Variants in LARS2 observed in about 807,000 individuals in gnomAD.
LARS2 encodes leucine--tRNA ligase, mitochondrial.
In LARS2, 81 loss-of-function variants were observed where a neutral mutation model predicts 116.6. That is an observed-to-expected ratio of 0.69 (90% CI 0.58 to 0.84). LARS2 has a LOEUF of 0.84. Ranked by LOEUF, LARS2 falls within the 40% of genes least tolerant of loss-of-function variation. LARS2 has a pLI of 0.00. For synonymous variants in LARS2, 396 were observed against 407.2 expected (o/e 0.97, Z 0.33); for missense variants, 968 against 1,114.5 (o/e 0.87, Z 1.87).
chr3:45,526,792 G>C (rs1040665112), intron 20 of LARS2, among the ~76,000 whole-genome samples: 4 of 152,152 alleles, frequency 2.6e-5, no homozygotes, highest in South Asian at 2.1e-4. Flanking sequence ...CAAGCAGATA[G>C]ATAGGGCATT....
intron 7 of LARS2, among the ~76,000 whole-genome samples, chr3:45,453,269 A>C (rs1342726830): frequency 6.6e-6 from 1 of 151,810 alleles, no homozygotes; most frequent in African/African-American, 2.4e-5. Flanking sequence ...GGAGTTGCTT[A>C]TCTGGAGTCC....
chr3:45,425,829 G>A (rs115471362), intron 6 of LARS2, among the ~76,000 whole-genome samples: 406 of 151,660 alleles, frequency 2.7e-3, no homozygotes, highest in Middle Eastern at 0.01. Flanking sequence ...CACCTAAAAC[G>A]CTTGATGACA....
chr3:45,492,515 A>G (rs1353784250), intron 13 of LARS2, among the ~76,000 whole-genome samples: 1 of 152,224 alleles, frequency 6.6e-6, no homozygotes, highest in East Asian at 1.9e-4. Context: ...TTCTGCCAGT[A>G]TAGAGCTGAG....
At chr3:45,493,292 G>C (rs1699954964) in intron 13 of LARS2, among the ~76,000 whole-genome samples, 1 of 152,130 alleles carries the variant, frequency 6.6e-6, no homozygotes, top group Non-Finnish European at 1.5e-5. Context: ...GTAGAGATGG[G>C]GTTTCACCGT....
chr3:45,544,518 G>A (rs181610489), intron 21 of LARS2, among the ~76,000 whole-genome samples: 2 of 152,262 alleles, frequency 1.3e-5, no homozygotes, highest in Admixed American at 1.3e-4. Flanking sequence ...GCCGACCCAG[G>A]GCCACGCTCT....
chr3:45,447,053 A>G, intron 7 of LARS2, 73 bp downstream of exon 7: 1 of 836,336 alleles, frequency 1.2e-6, no homozygotes, highest in Non-Finnish European at 1.9e-6. Context: ...TAGCAGCGAA[A>G]ATGAACGCTA....
chr3:45,538,027 C>G (rs1700734508), intron 20 of LARS2, among the ~76,000 whole-genome samples: 1 of 152,242 alleles, frequency 6.6e-6, no homozygotes, highest in Non-Finnish European at 1.5e-5. Context: ...AGCTCTCCAC[C>G]TGACCTCTCC....
chr3:45,525,571 T>C (rs2125760101), intron 20 of LARS2, among the ~76,000 whole-genome samples: 1 of 152,366 alleles, frequency 6.6e-6, no homozygotes, highest in East Asian at 1.9e-4. Context: ...CAGTTTACTT[T>C]AGCAGGAAAG....
intron 6 of LARS2, among the ~76,000 whole-genome samples, chr3:45,441,459 T>G (rs1049635901): frequency 2.0e-5 from 3 of 152,186 alleles, no homozygotes; most frequent in African/African-American, 7.2e-5. Context: ...TGTTTTCTAG[T>G]AGGGAAATGT....
rs948096013 is a variant in LARS2 at position 45,506,431 on chromosome 3, T to C, written c.1760+5852T>C. ...TTTTGAGAGCCTCCAAACAACTTTATCAAGCTGGGCTGGGAGGAAAAATTG... is the reference window on the plus strand; with the variant it reads ...TTTTGAGAGCCTCCAAACAACTTTACCAAGCTGGGCTGGGAGGAAAAATTG... On this transcript the variant is annotated intron_variant, in intron 15 of 21. Transcript: ENST00000645846. Among the ~76,000 whole-genome samples, 25 of 152,122 alleles carry C rather than the reference T, an allele frequency of 1.6e-4. 1 individual carries two copies. The highest frequency in any genetic ancestry group is 5.9e-4 in the Admixed American group (9 of 15,258).
intron 2 of LARS2, among the ~76,000 whole-genome samples, chr3:45,392,294 T>C (rs891952204): frequency 1.3e-5 from 2 of 151,588 alleles, no homozygotes; most frequent in African/African-American, 4.9e-5. Context: ...GAGAGATTTC[T>C]TTTTTATCTT....
At chr3:45,519,029 T>C (rs1700412495) in intron 18 of LARS2, among the ~76,000 whole-genome samples, 1 of 152,220 alleles carries the variant, frequency 6.6e-6, no homozygotes, top group Non-Finnish European at 1.5e-5. Flanking sequence ...CAAATTCTTC[T>C]ATTCTGTCAG....
chr3:45,523,814 G>A (rs1700491712), intron 19 of LARS2, among the ~76,000 whole-genome samples, 183 bp from the exon 20 acceptor site: 1 of 151,770 alleles, frequency 6.6e-6, no homozygotes, highest in Admixed American at 6.6e-5. Context: ...CACCTGGCTT[G>A]CTGTAGTTTA....
chr3:45,427,053 G>A (rs1009709139), intron 6 of LARS2, among the ~76,000 whole-genome samples: 1 of 152,144 alleles, frequency 6.6e-6, no homozygotes, highest in Non-Finnish European at 1.5e-5. Context: ...CCAAGGGAAT[G>A]CTTCTTGTCA....
intron 10 of LARS2, among the ~76,000 whole-genome samples, chr3:45,484,630 A>AAAATATATATATATATATATATATAT (rs1553634443): frequency 1.0e-4 from 1 of 9,730 alleles, no homozygotes; most frequent in African/African-American, 1.8e-4. Flanking sequence ...AAAAAAAAAA[A>AAAATATATATATATATATATATATAT]ATATATATAT....
chr3:45,471,095 C>A (rs1559479716), intron 8 of LARS2, among the ~76,000 whole-genome samples: 20 of 127,974 alleles, frequency 1.6e-4, no homozygotes. Flanking sequence ...ACAAAAACCC[C>A]AAAAAAACAA....
At chr3:45,537,449 C>T (rs1053631600) in intron 20 of LARS2, among the ~76,000 whole-genome samples, 17 of 152,134 alleles carry the variant, frequency 1.1e-4, no homozygotes, top group African/African-American at 2.7e-4. Flanking sequence ...AAATTATAAA[C>T]GTAAAAATCA....
At chr3:45,510,870 G>A (rs1204553303) in intron 15 of LARS2, among the ~76,000 whole-genome samples, 1 of 152,182 alleles carries the variant, frequency 6.6e-6, no homozygotes, top group Non-Finnish European at 1.5e-5. Context: ...GCTCCCCAAG[G>A]GCAGAGATTG....
At position 45,547,662 on chromosome 3, in the gene LARS2, G is replaced by A; in HGVS notation, c.*132G>A. 1 of 792,898 alleles carries A rather than the reference G, an allele frequency of 1.3e-6. No individual in the cohort carries two copies. The highest frequency in any genetic ancestry group is 2.0e-6 in the Non-Finnish European group (1 of 501,916). The allele number at this position is 792,898 out of a possible 1,614,324, so 49.1% of individuals were successfully genotyped here. On this transcript the variant is annotated 3_prime_UTR_variant, in exon 22 of 22. Transcript: ENST00000645846. ...CTTGACTGTTGACCTCGGTCCTGTGGCAGACTGCAGTCAACAGTGTGCCTC... is the reference window on the plus strand; with the variant it reads ...CTTGACTGTTGACCTCGGTCCTGTGACAGACTGCAGTCAACAGTGTGCCTC...
Sources: allele counts gnomAD v4.1 joint callset (sites outside exome capture counted in the v4.1 genomes callset), GRCh38; gene constraint gnomAD v4.1.1; transcripts MANE v1.5; gene names NCBI Gene and HGNC (gene_info 2026-07-23, HGNC 2026-07-21).